Variants in KCNIP3 observed in about 807,000 individuals in gnomAD.
KCNIP3 encodes the protein calsenilin.
Under a neutral mutation model 35.0 loss-of-function variants are expected in KCNIP3, and 28 were observed. The observed-to-expected ratio is 0.80, with a 90% CI of 0.59 to 1.10. KCNIP3 has a LOEUF of 1.10. Among genes scored for constraint, KCNIP3 ranks in the 50% least tolerant of loss-of-function variants. The probability of loss-of-function intolerance (pLI) is 0.00; values close to 1 mark genes in which losing one functional copy is unlikely to be tolerated. For synonymous variants in KCNIP3, 134 were observed against 133.8 expected, an observed-to-expected ratio of 1.00 and a Z score of -0.01; for missense variants, 295 against 338.4, an observed-to-expected ratio of 0.87 and a Z score of 1.01.
Position 95,374,909 on chromosome 2 carries a change from C to T in KCNIP3, c.368C>T (p.Pro123Leu). ...TFKLIYAQFF[P>L]QGDATTYAHF... The stretch of plus-strand genomic sequence containing the variant: ...AAACTCATTTACGCGCAGTTCTTCC[C>T]TCAGGGAGGTGAGTCTGAGGCAGGG... The change falls in exon 4 of 9, where the codon CCT becomes CTT. Residue 123 changes from proline to leucine, a missense_variant. Coordinates refer to ENST00000295225, the MANE Select transcript of KCNIP3 (RefSeq NM_013434.5). The T allele has an allele frequency of 6.2e-7, 1 of 1,613,994 alleles. No individual in the cohort carries two copies. Among genetic ancestry groups the T allele is most frequent in the Non-Finnish European group, 8.5e-7 (1 of 1,179,994 alleles).
At position 95,384,168 on chromosome 2, in the gene KCNIP3, C is replaced by CGA; in HGVS notation, c.*119_*120insGA. The CGA allele has an allele frequency of 2.1e-6, 1 of 465,624 alleles. No homozygotes were observed. Among genetic ancestry groups the CGA allele is most frequent in the Non-Finnish European group, 4.0e-6 (1 of 252,436 alleles). The allele number at this position is 465,624 out of a possible 1,614,324, so 28.8% of individuals were successfully genotyped here. A position where few individuals can be genotyped will look rare whatever the true frequency, so the allele number is the denominator to read the frequency against. ...AGATTTGCAAAAAGTGAACAGATTG[C>CGA]TACACACACACACACACACACACAC... On this transcript the variant is annotated 3_prime_UTR_variant, in exon 9 of 9. Transcript: ENST00000295225.
intron 2 of KCNIP3, among the ~76,000 whole-genome samples, chr2:95,314,510 G>T (rs1481567977): frequency 6.6e-6 from 1 of 152,184 alleles, no homozygotes; most frequent in African/African-American, 2.4e-5. Context: ...CTGCCTCATT[G>T]GGGTTGCTAG....
intron 2 of KCNIP3, among the ~76,000 whole-genome samples, chr2:95,364,177 G>A (rs1679864192): frequency 6.6e-6 from 1 of 152,056 alleles, no homozygotes; most frequent in Admixed American, 6.6e-5. Context: ...AGCAAATCAC[G>A]TTAAAGAACT....
At chr2:95,346,386 G>A (rs1311886375) in intron 2 of KCNIP3, among the ~76,000 whole-genome samples, 1 of 151,478 alleles carries the variant, frequency 6.6e-6, no homozygotes, top group Admixed American at 6.6e-5. Flanking sequence ...GCGGCCTCCA[G>A]GGGCTGGCGG....
chr2:95,331,441 G>A (rs1678925061), intron 2 of KCNIP3, among the ~76,000 whole-genome samples: 1 of 152,140 alleles, frequency 6.6e-6, no homozygotes, highest in African/African-American at 2.4e-5. Flanking sequence ...GAGGCTTCAA[G>A]GAGGCAGGTG....
intron 7 of KCNIP3, 91 bp from the exon 8 acceptor site, chr2:95,383,141 C>T (rs1054925836): frequency 5.6e-5 from 25 of 447,012 alleles, no homozygotes; most frequent in Non-Finnish European, 1.1e-4. Context: ...ACCCGCCCAT[C>T]CACCCACCCA....
At chr2:95,301,439 A>G (rs1325401744) in intron 1 of KCNIP3, among the ~76,000 whole-genome samples, 1 of 152,188 alleles carries the variant, frequency 6.6e-6, no homozygotes, top group African/African-American at 2.4e-5. Flanking sequence ...GCACCAGCAG[A>G]CCTGGGCTCA....
chr2:95,298,920 A>G (rs1296437058), intron 1 of KCNIP3: 2 of 152,178 alleles, frequency 1.3e-5, no homozygotes, highest in Non-Finnish European at 2.9e-5. Context: ...ATGACTACAG[A>G]GATGGGAATT....
chr2:95,341,591 C>T (rs1324841676), intron 2 of KCNIP3, among the ~76,000 whole-genome samples: 2 of 152,102 alleles, frequency 1.3e-5, no homozygotes, highest in Non-Finnish European at 2.9e-5. Context: ...GCCCACTGTG[C>T]AACAGGCAGG....
intron 2 of KCNIP3, 22 bp downstream of exon 2, chr2:95,310,542 G>A (rs370588297): frequency 6.2e-7 from 1 of 1,610,510 alleles, no homozygotes; most frequent in Non-Finnish European, 8.5e-7. Context: ...GGTGGGCTGT[G>A]GTCAAGGGTG....
chr2:95,333,312 G>A (rs1678978216), intron 2 of KCNIP3, among the ~76,000 whole-genome samples: 1 of 152,220 alleles, frequency 6.6e-6, no homozygotes, highest in African/African-American at 2.4e-5. Flanking sequence ...GCACAGAGTC[G>A]ACTTGGGAAG....
intron 2 of KCNIP3, among the ~76,000 whole-genome samples, chr2:95,340,711 T>A (rs974456102): frequency 2.6e-5 from 4 of 152,222 alleles, no homozygotes; most frequent in African/African-American, 9.6e-5. Flanking sequence ...GACAGTATCA[T>A]GTCAGAATGT....
intron 5 of KCNIP3, 126 bp from the exon 6 acceptor site, chr2:95,381,470 C>T (rs998439274): frequency 2.8e-5 from 19 of 674,500 alleles, no homozygotes; most frequent in African/African-American, 1.4e-4. Context: ...GAATGGATGC[C>T]GTCAGTCTCT....
intron 2 of KCNIP3, among the ~76,000 whole-genome samples, chr2:95,345,277 C>T (rs1302527174): frequency 6.6e-6 from 1 of 152,246 alleles, no homozygotes; most frequent in Non-Finnish European, 1.5e-5. Context: ...GTGCCCCTCA[C>T]GTAATTAGCC....
intron 1 of KCNIP3, among the ~76,000 whole-genome samples, chr2:95,297,705 T>C (rs1677906835): frequency 6.6e-6 from 1 of 152,034 alleles, no homozygotes; most frequent in Admixed American, 6.5e-5. Flanking sequence ...GAGGCTGAAC[T>C]CCTAGGGCTC....
chr2:95,368,013 T>G (rs1469757737), intron 2 of KCNIP3, among the ~76,000 whole-genome samples: 2 of 152,170 alleles, frequency 1.3e-5, no homozygotes, highest in African/African-American at 4.8e-5. Context: ...CCACCCGCCT[T>G]GGCCTCCCAA....
chr2:95,311,020 G>C (rs1371165416), intron 2 of KCNIP3: 1 of 173,232 alleles, frequency 5.8e-6, no homozygotes. Context: ...CCAAGGATTG[G>C]TGCTGGCTCT....
intron 2 of KCNIP3, among the ~76,000 whole-genome samples, chr2:95,329,516 G>C (rs1678874583): frequency 6.6e-6 from 1 of 152,248 alleles, no homozygotes; most frequent in East Asian, 1.9e-4. Flanking sequence ...TAAGCAGCCT[G>C]TCTGGTGTGA....
chr2:95,318,514 G>A (rs1678513238), intron 2 of KCNIP3, among the ~76,000 whole-genome samples: 1 of 152,190 alleles, frequency 6.6e-6, no homozygotes, highest in Non-Finnish European at 1.5e-5. Context: ...GGGATGTAGG[G>A]GACTCCCTGA....
Sources: gnomAD v4.1 joint callset for allele counts (sites outside exome capture counted in the v4.1 genomes callset) on GRCh38, gnomAD v4.1.1 for gene constraint, MANE v1.5 for transcripts, NCBI Gene and HGNC (gene_info 2026-07-23, HGNC 2026-07-21) for gene names.